GALNTL6: variants seen among roughly 807,000 people sequenced by gnomAD.
GALNTL6 encodes polypeptide N-acetylgalactosaminyltransferase like 6.
In GALNTL6, 46 loss-of-function variants were observed where a neutral mutation model predicts 73.7. The ratio of observed to expected loss-of-function variants is 0.62; its 90% CI spans 0.49 to 0.80. The LOEUF is 0.80. Among genes scored for constraint, GALNTL6 ranks in the 30% least tolerant of loss-of-function variants. The pLI, the probability that GALNTL6 is intolerant of heterozygous loss-of-function variation, is 0.00. For missense variants in GALNTL6, 604 were observed against 755.0 expected (o/e 0.80, Z 2.34); for synonymous variants, 259 against 263.7 (o/e 0.98, Z 0.17).
intron 3 of GALNTL6, among the ~76,000 whole-genome samples, chr4:172,301,273 C>A (rs1739908093): frequency 6.6e-6 from 1 of 151,842 alleles, no homozygotes; most frequent in Admixed American, 6.6e-5. Flanking sequence ...TTTGTCTAAT[C>A]TTTTTTCAAG....
chr4:172,840,133 A>C (rs1439251961), intron 7 of GALNTL6, among the ~76,000 whole-genome samples: 4 of 152,208 alleles, frequency 2.6e-5, no homozygotes, highest in Non-Finnish European at 5.9e-5. Flanking sequence ...GCATCCGCAA[A>C]TGTTCCTGTT....
chr4:171,871,112 A>T (rs1736122381), intron 2 of GALNTL6, among the ~76,000 whole-genome samples: 2 of 152,186 alleles, frequency 1.3e-5, no homozygotes, highest in Admixed American at 1.3e-4. Context: ...AACTACATTA[A>T]AATATGTACA....
intron 4 of GALNTL6, among the ~76,000 whole-genome samples, chr4:172,338,845 G>A (rs577545593): frequency 1.1e-4 from 16 of 152,142 alleles, no homozygotes; most frequent in African/African-American, 3.9e-4. Flanking sequence ...ATGTGCCTAC[G>A]ACTGGCGCTG....
intron 2 of GALNTL6, among the ~76,000 whole-genome samples, chr4:171,945,113 C>T (rs1035069528): frequency 1.3e-5 from 2 of 151,886 alleles, no homozygotes; most frequent in African/African-American, 2.4e-5. Flanking sequence ...AGCTGAGTTC[C>T]GAAGTGTTTA....
intron 3 of GALNTL6, among the ~76,000 whole-genome samples, chr4:172,262,446 A>G (rs1738290329): frequency 1.3e-5 from 2 of 151,046 alleles, no homozygotes; most frequent in African/African-American, 4.8e-5. Flanking sequence ...AGCTACTCCT[A>G]CTCACTTTTG....
At chr4:172,052,164 A>C (rs998133870) in intron 2 of GALNTL6, among the ~76,000 whole-genome samples, 2 of 152,216 alleles carry the variant, frequency 1.3e-5, no homozygotes, top group African/African-American at 4.8e-5. Context: ...GAGTCCTCAC[A>C]TATAATTTGA....
chr4:172,025,635 C>T (rs143644467), intron 2 of GALNTL6, among the ~76,000 whole-genome samples: 2 of 152,032 alleles, frequency 1.3e-5, no homozygotes, highest in African/African-American at 2.4e-5. Flanking sequence ...TTTTGGTTTT[C>T]AGTTACTGTC....
intron 8 of GALNTL6, among the ~76,000 whole-genome samples, chr4:172,885,091 G>T (rs1221617918): frequency 6.6e-6 from 1 of 152,072 alleles, no homozygotes; most frequent in Non-Finnish European, 1.5e-5. Flanking sequence ...GTTCAGGACT[G>T]CTTTAGCTAT....
intron 5 of GALNTL6, among the ~76,000 whole-genome samples, chr4:172,606,555 A>ATT (rs1405553871): frequency 7.6e-6 from 1 of 130,786 alleles, no homozygotes; most frequent in Non-Finnish European, 1.7e-5. Context: ...AAGTGTATAT[A>ATT]TATATATATA....
At chr4:172,182,570 A>G (rs1014430579) in intron 2 of GALNTL6, among the ~76,000 whole-genome samples, 11 of 131,776 alleles carry the variant, frequency 8.3e-5, no homozygotes, top group Non-Finnish European at 1.7e-4. Context: ...AAAAAAAAAA[A>G]GTGATAAACA....
chr4:172,384,052 T>A (rs1471131986), intron 5 of GALNTL6, among the ~76,000 whole-genome samples: 1 of 152,134 alleles, frequency 6.6e-6, no homozygotes, highest in Admixed American at 6.5e-5. Flanking sequence ...TTATTAGAGA[T>A]GTTAATGTAT....
rs558998862 is a variant in GALNTL6 at position 172,004,455 on chromosome 4, C to A, written c.138+189737C>A. Among the ~76,000 whole-genome samples the A allele has an allele frequency of 1.4e-4, 22 of 152,018 alleles. No individual in the cohort carries two copies. In the South Asian group the frequency reaches 4.6e-3, roughly 32 times the overall value. On this transcript the variant is annotated intron_variant, in intron 2 of 12. Coordinates refer to ENST00000506823, the MANE Select transcript of GALNTL6 (RefSeq NM_001034845.3). ...AAATTTTAAACTGCTCTATTTCTACCTCCTGGATCCTTTCAAATTCTATCA... is the reference window on the plus strand; with the variant it reads ...AAATTTTAAACTGCTCTATTTCTACATCCTGGATCCTTTCAAATTCTATCA...
chr4:172,591,914 C>G (rs375724738), intron 5 of GALNTL6, among the ~76,000 whole-genome samples: 2 of 152,224 alleles, frequency 1.3e-5, no homozygotes, highest in East Asian at 3.9e-4. Flanking sequence ...CCTAGAAAAA[C>G]CCTACACTGC....
intron 5 of GALNTL6, among the ~76,000 whole-genome samples, chr4:172,403,464 C>T (rs559530488): frequency 6.6e-6 from 1 of 152,048 alleles, no homozygotes; most frequent in African/African-American, 2.4e-5. Flanking sequence ...ACTAACGTAT[C>T]AAATAAACTT....
At chr4:172,708,097 C>T (rs994916068) in intron 5 of GALNTL6, among the ~76,000 whole-genome samples, 2 of 152,196 alleles carry the variant, frequency 1.3e-5, no homozygotes, top group Admixed American at 6.5e-5. Context: ...GTTGCCCAGG[C>T]TAGAGTGCAG....
chr4:172,534,312 G>C (rs1735269309), intron 5 of GALNTL6, among the ~76,000 whole-genome samples: 1 of 152,126 alleles, frequency 6.6e-6, no homozygotes, highest in South Asian at 2.1e-4. Context: ...CTTACACACA[G>C]TCATGCAGAT....
rs1409509753 is a variant in GALNTL6 at position 172,394,722 on chromosome 4, ACGC to A, written c.553+46035_553+46037del. 3.3e-5 allele frequency among the ~76,000 whole-genome samples: 5 copies of A among 152,082 alleles called. No individual in the cohort carries two copies. The South Asian group carries it at 6.2e-4, about 19-fold the overall frequency. Reference sequence around the variant, plus strand: ...GCTGGGATTACAGGCATGAGCCACCACGCCCGGCCCTTCTTTTATCACTTGGAA... The same window carrying A: ...GCTGGGATTACAGGCATGAGCCACCACCGGCCCTTCTTTTATCACTTGGAA... On this transcript the variant is annotated intron_variant, in intron 5 of 12. Transcript: ENST00000506823.
At chr4:172,488,684 T>C (rs972521906) in intron 5 of GALNTL6, among the ~76,000 whole-genome samples, 1 of 152,054 alleles carries the variant, frequency 6.6e-6, no homozygotes, top group Non-Finnish European at 1.5e-5. Context: ...TGTATAGTTA[T>C]TATATGACCT....
intron 5 of GALNTL6, among the ~76,000 whole-genome samples, chr4:172,598,092 TG>T (rs1277568514): frequency 6.6e-6 from 1 of 152,122 alleles, no homozygotes; most frequent in African/African-American, 2.4e-5. Flanking sequence ...GCAAATTCCC[TG>T]GTCTTATTGC....
Sources: allele counts gnomAD v4.1 joint callset (sites outside exome capture counted in the v4.1 genomes callset), GRCh38; gene constraint gnomAD v4.1.1; transcripts MANE v1.5; gene names NCBI Gene and HGNC (gene_info 2026-07-23, HGNC 2026-07-21).